TUSC3: variants seen among roughly 807,000 people sequenced by gnomAD.
TUSC3 encodes dolichyl-diphosphooligosaccharide--protein glycosyltransferase subunit TUSC3.
A neutral mutation model predicts 44.8 loss-of-function variants in TUSC3; 45 were observed. The observed-to-expected ratio is 1.00, with a 90% CI of 0.79 to 1.29. The LOEUF (loss-of-function observed/expected upper bound fraction) is 1.29. TUSC3 is among the 50% of genes most tolerant of loss of function. The pLI, the probability that TUSC3 is intolerant of heterozygous loss-of-function variation, is 0.00. For synonymous variants in TUSC3, 212 were observed against 152.9 expected (o/e 1.39, Z -2.85); for missense variants, 519 against 437.9 (o/e 1.19, Z -1.65).
intron 1 of TUSC3, among the ~76,000 whole-genome samples, chr8:15,611,795 G>A (rs1334964406): frequency 6.6e-6 from 1 of 152,102 alleles, no homozygotes; most frequent in Non-Finnish European, 1.5e-5. Flanking sequence ...GTTCCTAGAA[G>A]CATTAATTGC....
intron 1 of TUSC3, among the ~76,000 whole-genome samples, chr8:15,552,614 C>G (rs989900396): frequency 6.6e-6 from 1 of 151,582 alleles, no homozygotes; most frequent in African/African-American, 2.4e-5. Context: ...TCAGAGAACT[C>G]AAAGCTTGGT....
At chr8:15,489,430 A>C (rs374038456) in intron 2 of TUSC3, among the ~76,000 whole-genome samples, 2 of 152,226 alleles carry the variant, frequency 1.3e-5, no homozygotes, top group Non-Finnish European at 2.9e-5. Context: ...TTTTCTATTC[A>C]GACCTTTAGA....
intron 1 of TUSC3, among the ~76,000 whole-genome samples, chr8:15,474,548 C>G (rs374816181): frequency 2.6e-5 from 4 of 152,064 alleles, no homozygotes; most frequent in African/African-American, 9.7e-5. Context: ...TTAAATCTCA[C>G]TAGGTGTAGC....
intron 2 of TUSC3, among the ~76,000 whole-genome samples, chr8:15,513,077 C>G (rs560869500): frequency 6.6e-6 from 1 of 150,438 alleles, no homozygotes; most frequent in Non-Finnish European, 1.5e-5. Flanking sequence ...TGTAACGTTA[C>G]CAAAATTATT....
intron 6 of TUSC3, among the ~76,000 whole-genome samples, chr8:15,703,145 T>C (rs1056156694): frequency 1.3e-5 from 2 of 152,162 alleles, no homozygotes. Context: ...CTTGCTATTA[T>C]TAGGGAAGAA....
In TUSC3 at chr8:15,457,240, A is replaced by G. The variant is rs540713813; in HGVS notation, n.92-26146A>G. ...TAAATGACGAGTTAATGGGTGCAGC[A>G]CACCAACATGGCACGTGTATACATA... On this transcript the variant is annotated intron_variant and non_coding_transcript_variant, in intron 1 of 5. Coordinates refer to the TUSC3 transcript ENST00000503191. Among the ~76,000 whole-genome samples, 179 of 152,126 alleles carry G rather than the reference A, an allele frequency of 1.2e-3. 2 individuals are homozygous for G. The highest frequency in any genetic ancestry group is 3.0e-3 in the African/African-American group (123 of 41,512).
intron 1 of TUSC3, among the ~76,000 whole-genome samples, chr8:15,600,261 C>G (rs187369390): frequency 8.2e-4 from 124 of 151,636 alleles, no homozygotes; most frequent in African/African-American, 2.9e-3. Flanking sequence ...GAATTATGGC[C>G]TTTGTAATGA....
intron 4 of TUSC3, among the ~76,000 whole-genome samples, chr8:15,659,986 G>C (rs965855823): frequency 6.6e-6 from 1 of 151,904 alleles, no homozygotes; most frequent in Non-Finnish European, 1.5e-5. Context: ...CTATCTTTTG[G>C]TCAAACAGAA....
At chr8:15,725,603 CTGA>C (rs56849270) in intron 6 of TUSC3, among the ~76,000 whole-genome samples, 5,950 of 151,284 alleles carry the variant, frequency 0.039, 338 homozygotes, top group African/African-American at 0.13. Context: ...TCTTAGATGA[CTGA>C]TGATGATGAT....
intron 1 of TUSC3, among the ~76,000 whole-genome samples, chr8:15,592,435 G>A (rs534931141): frequency 2.0e-5 from 3 of 152,286 alleles, no homozygotes; most frequent in African/African-American, 7.2e-5. Context: ...TTGGGTCATG[G>A]TGGTGGATCC....
intron 6 of TUSC3, among the ~76,000 whole-genome samples, chr8:15,715,822 C>G (rs1030920544): frequency 2.0e-5 from 3 of 152,058 alleles, no homozygotes; most frequent in Admixed American, 2.0e-4. Context: ...GAACGATTCT[C>G]ATTTGTTTTT....
intron 1 of TUSC3, among the ~76,000 whole-genome samples, chr8:15,462,703 A>G (rs576094449): frequency 1.3e-5 from 2 of 152,090 alleles, no homozygotes; most frequent in African/African-American, 2.4e-5. Flanking sequence ...TTATACTCCT[A>G]TGTGGTGGTA....
the TUSC3 span, among the ~76,000 whole-genome samples, chr8:15,790,470 A>G: frequency 1.3e-5 from 2 of 152,100 alleles, no homozygotes; most frequent in Non-Finnish European, 2.9e-5. Context: ...GGCATGAGCC[A>G]CCATGCCCGG....
the TUSC3 span, among the ~76,000 whole-genome samples, chr8:15,809,053 C>T: frequency 1.3e-4 from 20 of 152,200 alleles, no homozygotes; most frequent in Admixed American, 1.2e-3. Flanking sequence ...GGAGGAAAAG[C>T]ACGTTTATTC....
At chr8:15,836,734 T>A in the TUSC3 span, among the ~76,000 whole-genome samples, 1 of 152,182 alleles carries the variant, frequency 6.6e-6, no homozygotes, top group Non-Finnish European at 1.5e-5. Context: ...GCCAATTAAA[T>A]ACATGTTTAT....
At chr8:15,625,786 CTAA>C (rs1402336865) in intron 2 of TUSC3, among the ~76,000 whole-genome samples, 5 of 152,102 alleles carry the variant, frequency 3.3e-5, no homozygotes, top group Non-Finnish European at 7.3e-5. Context: ...TTATCACAAC[CTAA>C]TAATGAGTGT....
At position 15,730,828 on chromosome 8, in the gene TUSC3, A is replaced by C. The variant is rs971654356; in HGVS notation, c.862+99A>C. Reference sequence around the variant, plus strand: ...GGCAGTAAATATCAAGACTTTTAAGAGACATTAAATTTTAGGCTGTACTAT... The same window carrying C: ...GGCAGTAAATATCAAGACTTTTAAGCGACATTAAATTTTAGGCTGTACTAT... On this transcript the variant is annotated intron_variant, in intron 7 of 10. Transcript: ENST00000503731. The C allele has an allele frequency of 1.8e-5, 22 of 1,193,872 alleles. No individual in the cohort carries two copies. The African/African-American group carries it at 3.2e-4, about 17-fold the overall frequency. The allele number at this position is 1,193,872 out of a possible 1,614,324, so 74.0% of individuals were successfully genotyped here. A position where few individuals can be genotyped will look rare whatever the true frequency, so the allele number is the denominator to read the frequency against.
At position 15,478,423 on chromosome 8, in the gene TUSC3, C is replaced by A. The variant is rs145844726; in HGVS notation, n.92-4963C>A. 7.8e-3 allele frequency among the ~76,000 whole-genome samples: 1,180 copies of A among 152,214 alleles called. 17 individuals carry two copies. Among genetic ancestry groups the A allele is most frequent in the African/African-American group, 0.027 (1,118 of 41,532 alleles). On this transcript the variant is annotated intron_variant and non_coding_transcript_variant, in intron 1 of 5. Coordinates refer to the TUSC3 transcript ENST00000503191. ...CATTAGCTATTTATCCTGGTGCTCT[C>A]TCTCCCCCAACTCCCGCCAAGAGGC...
intron 1 of TUSC3, among the ~76,000 whole-genome samples, chr8:15,479,222 A>G (rs1265189642): frequency 2.6e-5 from 4 of 152,098 alleles, no homozygotes; most frequent in Non-Finnish European, 5.9e-5. Flanking sequence ...ATTTTCTCCC[A>G]TTCTGTAGGT....
Sources: allele counts gnomAD v4.1 joint callset (sites outside exome capture counted in the v4.1 genomes callset), GRCh38; gene constraint gnomAD v4.1.1; transcripts MANE v1.5; gene names NCBI Gene and HGNC (gene_info 2026-07-23, HGNC 2026-07-21).